Variants in PSTPIP1 observed in about 807,000 individuals in gnomAD.
PSTPIP1 encodes the protein proline-serine-threonine phosphatase-interacting protein 1.
Under a neutral mutation model 69.6 loss-of-function variants are expected in PSTPIP1, and 66 were observed. That is an observed-to-expected ratio of 0.95 (90% CI 0.78 to 1.16). The LOEUF (loss-of-function observed/expected upper bound fraction) is 1.16, where lower values mean the gene tolerates loss of function less well. PSTPIP1 is among the 50% of genes most tolerant of loss of function. The pLI, the probability that PSTPIP1 is intolerant of heterozygous loss-of-function variation, is 0.00. For synonymous variants in PSTPIP1, 266 were observed against 222.7 expected (o/e 1.19, Z -1.73); for missense variants, 603 against 557.4 (o/e 1.08, Z -0.82).
intron 2 of PSTPIP1, 84 bp downstream of exon 2, chr15:77,018,332 C>T: frequency 6.5e-7 from 1 of 1,531,926 alleles, no homozygotes; most frequent in Non-Finnish European, 8.8e-7. Flanking sequence ...ACGAGGCCCC[C>T]ATCCCAGCCA....
intron 1 of PSTPIP1, among the ~76,000 whole-genome samples, chr15:77,012,298 C>CA (rs1347635247): frequency 9.3e-4 from 140 of 151,346 alleles, no homozygotes; most frequent in Non-Finnish European, 1.8e-3. Flanking sequence ...CCCATCTACC[C>CA]ATCCATGCAT....
chr15:77,021,632 T>C (rs895133857), intron 3 of PSTPIP1, among the ~76,000 whole-genome samples: 1 of 152,092 alleles, frequency 6.6e-6, no homozygotes, highest in Non-Finnish European at 1.5e-5. Context: ...TGAGCCCAGA[T>C]TGCACCACTG....
rs776642556 is a variant in PSTPIP1, at chr15:76,995,453, C to T, written c.-121C>T. ...GCCTTCTGAGTGTTGCAGACGGCGC[C>T]GGCCGGGAAGGGGGGCCTGGGCCAG... is the stretch of plus-strand genomic sequence containing the variant. On this transcript the variant is annotated 5_prime_UTR_variant, in exon 1 of 15. Transcript: ENST00000558012. 34 of 1,563,536 alleles carry T rather than the reference C, an allele frequency of 2.2e-5. No individual in the cohort carries two copies. Among genetic ancestry groups the T allele is most frequent in the Admixed American group, 5.7e-5 (3 of 52,220 alleles).
rs1266014755 is a variant in PSTPIP1 at position 77,025,493 on chromosome 15, C to T, written c.248-5C>T. The T allele has an allele frequency of 1.9e-6, 3 of 1,563,572 alleles. No individual in the cohort carries two copies. Among genetic ancestry groups the T allele is most frequent in the South Asian group, 2.3e-5 (2 of 85,656 alleles). On this transcript the variant is annotated splice_region_variant and splice_polypyrimidine_tract_variant and intron_variant, in intron 4 of 14. Transcript: ENST00000558012. ...TGGGGACCAGTATCCATGCTCTGCC[C>T]CCAGAAATGGAGAATGTGGGCAGCT...
chr15:77,035,782 A>AT lies in PSTPIP1; in HGVS notation c.986-19dup. ...AGTGTCCCCAGAAGGGGAGGGGTCTATGTCTCACCCTGCTCTTAGCGTCCA... is the reference window on the plus strand; with the variant it reads ...AGTGTCCCCAGAAGGGGAGGGGTCTATTGTCTCACCCTGCTCTTAGCGTCCA... On this transcript the variant is annotated intron_variant, in intron 13 of 14. Transcript: ENST00000558012. The AT allele has an allele frequency of 5.0e-6, 8 of 1,599,604 alleles. No individual in the cohort carries two copies. Among genetic ancestry groups the AT allele is most frequent in the Non-Finnish European group, 6.8e-6 (8 of 1,177,192 alleles).
rs184466494 is a variant in PSTPIP1 at position 77,026,803 on chromosome 15, C to T, written c.355-1049C>T. Among the ~76,000 whole-genome samples, 168 of 152,368 alleles carry T rather than the reference C, an allele frequency of 1.1e-3. 2 individuals are homozygous for T. The highest frequency in any genetic ancestry group is 3.9e-3 in the African/African-American group (161 of 41,586). On this transcript the variant is annotated intron_variant, in intron 5 of 14. Coordinates refer to ENST00000558012, the MANE Select transcript of PSTPIP1 (RefSeq NM_003978.5). ...CACCCTCTCTGAGCTGGGACGTGCC[C>T]GCAGAGCCTGCAGAGAACCTGCCAG...
Position 77,029,465 on chromosome 15 carries a change from C to T in PSTPIP1, c.517-64C>T, listed in dbSNP as rs567047605. On this transcript the variant is annotated intron_variant, in intron 7 of 14. Transcript: ENST00000558012. ...GGGAAGCTTGACAGTCACTTCAGGT[C>T]TGCTGGGGTGGGCCCTGGCTCCTGG... 4,425 of 1,538,958 alleles carry T rather than the reference C, an allele frequency of 2.9e-3. 11 individuals are homozygous for T. Among genetic ancestry groups the T allele is most frequent in the Non-Finnish European group, 3.4e-3 (3,815 of 1,136,280 alleles).
intron 1 of PSTPIP1, chr15:77,015,923 C>A (rs978289467): frequency 2.2e-6 from 1 of 455,938 alleles, no homozygotes; most frequent in East Asian, 6.9e-5. Flanking sequence ...CCTGCAGCCT[C>A]TGGGGACTTG....
intron 8 of PSTPIP1, 68 bp downstream of exon 8, chr15:77,029,642 C>T (rs2076368484): frequency 1.4e-6 from 2 of 1,470,126 alleles, no homozygotes; most frequent in Non-Finnish European, 9.3e-7. Flanking sequence ...CACACACCTC[C>T]TCACCCTGGG....
At chr15:77,025,713 G>A (rs2076266439) in intron 5 of PSTPIP1, 109 bp downstream of exon 5, 6 of 813,828 alleles carry the variant, frequency 7.4e-6, no homozygotes, top group Non-Finnish European at 1.1e-5. Context: ...GGGCGGCAGG[G>A]GTGGTGGTGG....
At chr15:76,997,697 G>A (rs1005958916) in intron 1 of PSTPIP1, among the ~76,000 whole-genome samples, 4 of 152,086 alleles carry the variant, frequency 2.6e-5, no homozygotes, top group Non-Finnish European at 4.4e-5. Context: ...TTTTGGCTTC[G>A]GGGTAAGATA....
At chr15:77,006,952 G>A (rs2075827280) in intron 1 of PSTPIP1, among the ~76,000 whole-genome samples, 1 of 152,080 alleles carries the variant, frequency 6.6e-6, no homozygotes, top group East Asian at 1.9e-4. Context: ...TGCTTTTGTT[G>A]TTCCCTTTTT....
In PSTPIP1 at chr15:77,029,433, G is replaced by T. The variant is rs918993740; in HGVS notation, c.517-96G>T. On this transcript the variant is annotated intron_variant, in intron 7 of 14. Coordinates refer to ENST00000558012, the MANE Select transcript of PSTPIP1 (RefSeq NM_003978.5). ...TTGGCTCCTGAATGTTCCCCCCAGGGTGGCCGGGGAAGCTTGACAGTCACT... is the reference window on the plus strand; with the variant it reads ...TTGGCTCCTGAATGTTCCCCCCAGGTTGGCCGGGGAAGCTTGACAGTCACT... The T allele has an allele frequency of 1.8e-5, 25 of 1,415,520 alleles. No homozygotes were observed. In the Admixed American group the frequency reaches 4.2e-4, roughly 24 times the overall value. The allele number at this position is 1,415,520 out of a possible 1,614,324, so 87.7% of individuals were successfully genotyped here.
rs968145121 is a variant in PSTPIP1 at position 77,037,301 on chromosome 15, T to C, written c.*125T>C. The C allele has an allele frequency of 6.8e-5, 89 of 1,300,182 alleles. 2 individuals are homozygous for C. The Admixed American group carries it at 1.0e-3, about 15-fold the overall frequency. The allele number at this position is 1,300,182 out of a possible 1,614,324, so 80.5% of individuals were successfully genotyped here. On this transcript the variant is annotated 3_prime_UTR_variant, in exon 15 of 15. Transcript: ENST00000558012. ...CAGCCCCGAGAGGGAGCCTGTCGTC[T>C]CCCAGGGAATAAAGGAGTGCGTTCT...
intron 6 of PSTPIP1, chr15:77,028,249 G>T: frequency 6.0e-6 from 3 of 497,036 alleles, no homozygotes; most frequent in East Asian, 7.0e-5. Context: ...CTCCTAAGAG[G>T]GCGCGGCGTG....
chr15:77,030,251 T>A (rs2076382774), intron 8 of PSTPIP1, among the ~76,000 whole-genome samples: 1 of 152,188 alleles, frequency 6.6e-6, no homozygotes, highest in Non-Finnish European at 1.5e-5. Context: ...CAGAGGCCAA[T>A]ACTCTGGACT....
In PSTPIP1 at chr15:77,008,354, C is replaced by T. The variant is rs147277315; in HGVS notation, c.37-9794C>T. Among the ~76,000 whole-genome samples, 409 of 152,260 alleles carry T rather than the reference C, an allele frequency of 2.7e-3. 3 individuals are homozygous for T. The highest frequency in any genetic ancestry group is 1.9e-3 in the Non-Finnish European group (131 of 68,024). On this transcript the variant is annotated intron_variant, in intron 1 of 14. Transcript: ENST00000558012. ...GCTGCAGAAATTTCATCCCCGTCCT[C>T]AGATAACTCCCAGTCCTCAAGGGAA... is the stretch of plus-strand genomic sequence containing the variant.
At position 77,003,030 on chromosome 15, in the gene PSTPIP1, C is replaced by T. The variant is rs142415251; in HGVS notation, c.36+7421C>T. On this transcript the variant is annotated intron_variant, in intron 1 of 14. Transcript: ENST00000558012. ...CAGTTTTCTGGCCCAGAGCATTGTG[C>T]AAGGTGACTGGTAGGAAGGGAAGGC... Among the ~76,000 whole-genome samples, 432 of 152,256 alleles carry T rather than the reference C, an allele frequency of 2.8e-3. 1 individual carries two copies. The highest frequency in any genetic ancestry group is 3.7e-3 in the Non-Finnish European group (253 of 68,016).
intron 5 of PSTPIP1, chr15:77,026,318 C>T (rs1033967925): frequency 2.4e-6 from 1 of 416,176 alleles, no homozygotes; most frequent in Non-Finnish European, 4.8e-6. Context: ...CTCTCAGGGC[C>T]TTAGTGATGA....
Sources: gnomAD v4.1 joint callset for allele counts (sites outside exome capture counted in the v4.1 genomes callset) on GRCh38, gnomAD v4.1.1 for gene constraint, MANE v1.5 for transcripts, NCBI Gene and HGNC (gene_info 2026-07-23, HGNC 2026-07-21) for gene names.